Variants in VMP1 observed in about 807,000 individuals in gnomAD.
VMP1 encodes vacuole membrane protein 1.
Under a neutral mutation model 56.0 loss-of-function variants are expected in VMP1, and 11 were observed. The observed-to-expected ratio is 0.20, with a 90% CI of 0.12 to 0.32. The LOEUF (loss-of-function observed/expected upper bound fraction) is 0.32, where lower values mean the gene tolerates loss of function less well. Ranked by LOEUF, VMP1 falls within the 10% of genes least tolerant of loss-of-function variation. The pLI, the probability that VMP1 is intolerant of heterozygous loss-of-function variation, is 1.00. For synonymous variants in VMP1, 149 were observed against 165.0 expected (o/e 0.90, Z 0.74); for missense variants, 296 against 490.3 (o/e 0.60, Z 3.74).
intron 9 of VMP1, among the ~76,000 whole-genome samples, chr17:59,814,067 G>A (rs769359866): frequency 2.0e-5 from 3 of 152,002 alleles, no homozygotes; most frequent in African/African-American, 7.3e-5. Flanking sequence ...TGCAACCTCC[G>A]CCTCCCAGGT....
At chr17:59,808,761 T>G (rs751693495) in intron 7 of VMP1, 35 bp from the exon 8 acceptor site, 1 of 1,546,450 alleles carries the variant, frequency 6.5e-7, no homozygotes, top group Non-Finnish European at 8.9e-7. Context: ...CTTTTCCTAC[T>G]TCTCATTAAT....
intron 5 of VMP1, among the ~76,000 whole-genome samples, chr17:59,751,464 G>T (rs1297613383): frequency 6.6e-6 from 1 of 151,950 alleles, no homozygotes; most frequent in African/African-American, 2.4e-5. Context: ...GGTCTAGACC[G>T]GGCTCGGTGG....
chr17:59,717,161 G>A (rs953865461), intron 1 of VMP1, among the ~76,000 whole-genome samples: 2 of 151,796 alleles, frequency 1.3e-5, no homozygotes, highest in Non-Finnish European at 2.9e-5. Flanking sequence ...TCATAGACAC[G>A]GAGTTTCACT....
intron 7 of VMP1, among the ~76,000 whole-genome samples, chr17:59,800,044 C>T (rs1404514572): frequency 6.6e-6 from 1 of 151,204 alleles, no homozygotes; most frequent in Non-Finnish European, 1.5e-5. Flanking sequence ...AGGAAGTCAA[C>T]AGTAAGAATA....
chr17:59,724,638 C>T (rs142356066), intron 1 of VMP1, among the ~76,000 whole-genome samples: 81 of 151,968 alleles, frequency 5.3e-4, no homozygotes, highest in African/African-American at 1.6e-3. Flanking sequence ...TGCTATTGCA[C>T]GCCAGCCTTC....
intron 3 of VMP1, among the ~76,000 whole-genome samples, chr17:59,737,251 G>T (rs2035050598): frequency 6.6e-6 from 1 of 152,006 alleles, no homozygotes; most frequent in African/African-American, 2.4e-5. Context: ...TACAGTGGGG[G>T]TTATGATAAG....
chr17:59,764,041 T>G (rs1176129282), intron 5 of VMP1, among the ~76,000 whole-genome samples: 1 of 152,146 alleles, frequency 6.6e-6, no homozygotes, highest in African/African-American at 2.4e-5. Context: ...TAGGAACCAT[T>G]GTGTAAAACT....
intron 1 of VMP1, among the ~76,000 whole-genome samples, chr17:59,719,837 CAA>C (rs1379636356): frequency 6.6e-6 from 1 of 151,964 alleles, no homozygotes. Flanking sequence ...CTGCAGGAAA[CAA>C]ATAAAAAAAA....
chr17:59,768,712 G>A lies in VMP1; in HGVS notation c.582+3574G>A, dbSNP rs1264433156. On this transcript the variant is annotated intron_variant, in intron 6 of 11. Coordinates refer to ENST00000262291, the MANE Select transcript of VMP1 (RefSeq NM_030938.5). ...TATAAGAATTAATTCACCGGGCGCG[G>A]TGGCTCACGCCTGTAATCTCAGCAC... Among the ~76,000 whole-genome samples the A allele has an allele frequency of 5.3e-5, 8 of 152,208 alleles. No individual in the cohort carries two copies. In the South Asian group the frequency reaches 1.4e-3, roughly 28 times the overall value.
intron 5 of VMP1, among the ~76,000 whole-genome samples, chr17:59,764,734 CATT>C (rs1415571393): frequency 1.3e-5 from 2 of 151,986 alleles, no homozygotes; most frequent in Non-Finnish European, 2.9e-5. Flanking sequence ...ATAAGTGACT[CATT>C]ATGTGTAAAT....
intron 7 of VMP1, among the ~76,000 whole-genome samples, chr17:59,794,165 C>G (rs1273703937): frequency 6.7e-6 from 1 of 150,132 alleles, no homozygotes; most frequent in Admixed American, 6.7e-5. Context: ...TGTGATCTGC[C>G]TGCCTCAGCC....
intron 6 of VMP1, among the ~76,000 whole-genome samples, chr17:59,768,973 T>C (rs945993435): frequency 9.9e-5 from 15 of 151,092 alleles, no homozygotes; most frequent in Admixed American, 2.6e-4. Flanking sequence ...ATACAAAAAT[T>C]ATCCGGGTGT....
chr17:59,729,959 C>T (rs2034762645), intron 1 of VMP1: 2 of 152,136 alleles, frequency 1.3e-5, no homozygotes, highest in African/African-American at 4.8e-5. Context: ...GCTGGGATTA[C>T]AGGCGTGAGC....
At chr17:59,829,766 G>C (rs1199084793) in intron 10 of VMP1, among the ~76,000 whole-genome samples, 1 of 152,102 alleles carries the variant, frequency 6.6e-6, no homozygotes, top group Non-Finnish European at 1.5e-5. Context: ...ACATATAACA[G>C]ATCAGCTTGT....
At chr17:59,744,050 G>A (rs1057303886) in intron 5 of VMP1, among the ~76,000 whole-genome samples, 1 of 150,998 alleles carries the variant, frequency 6.6e-6, no homozygotes, top group Non-Finnish European at 1.5e-5. Flanking sequence ...TATTTACCAG[G>A]TTGAGGAAGT....
At chr17:59,834,118 G>A (rs1442108075) in intron 10 of VMP1, 2 of 151,732 alleles carry the variant, frequency 1.3e-5, no homozygotes, top group African/African-American at 4.9e-5. Flanking sequence ...ACCAAACCTG[G>A]CTTATTTTTT....
intron 1 of VMP1, among the ~76,000 whole-genome samples, chr17:59,724,224 AAAG>A (rs544013104): frequency 0.1 from 15,282 of 147,600 alleles, 728 homozygotes; most frequent in Middle Eastern, 0.2. Flanking sequence ...AAAAAAAAAA[AAAG>A]AAAGAAAAGA....
At chr17:59,708,450 C>G (rs868521208) in intron 1 of VMP1, among the ~76,000 whole-genome samples, 34 of 152,174 alleles carry the variant, frequency 2.2e-4, no homozygotes, top group African/African-American at 8.0e-4. Flanking sequence ...TGTCACACTG[C>G]TAGATTACTT....
chr17:59,731,705 G>A (rs978315833), intron 2 of VMP1, among the ~76,000 whole-genome samples, 183 bp downstream of exon 2: 1 of 152,138 alleles, frequency 6.6e-6, no homozygotes, highest in Non-Finnish European at 1.5e-5. Flanking sequence ...GAAGGAGCCT[G>A]GCCACAATCA....
Sources: gnomAD v4.1 joint callset for allele counts (sites outside exome capture counted in the v4.1 genomes callset) on GRCh38, gnomAD v4.1.1 for gene constraint, MANE v1.5 for transcripts, NCBI Gene and HGNC (gene_info 2026-07-23, HGNC 2026-07-21) for gene names.